SH3BGRL2: variants seen among roughly 807,000 people sequenced by gnomAD.
SH3BGRL2 encodes SH3 domain-binding glutamic acid-rich-like protein 2.
Under a neutral mutation model 14.8 loss-of-function variants are expected in SH3BGRL2, and 21 were observed. The observed-to-expected ratio is 1.42, with a 90% CI of 1.01 to 2.05. The LOEUF is 2.05. Among genes scored for constraint, SH3BGRL2 ranks in the 30% most tolerant of loss-of-function variants. The pLI, the probability that SH3BGRL2 is intolerant of heterozygous loss-of-function variation, is 0.00. For missense variants in SH3BGRL2, 147 were observed against 130.8 expected, an observed-to-expected ratio of 1.12 and a Z score of -0.61; for synonymous variants, 50 against 47.8, an observed-to-expected ratio of 1.05 and a Z score of -0.19.
intron 2 of SH3BGRL2, among the ~76,000 whole-genome samples, chr6:79,684,708 TCTA>T (rs1389591419): frequency 1.3e-5 from 2 of 152,200 alleles, no homozygotes; most frequent in Non-Finnish European, 2.9e-5. Flanking sequence ...TCTTATTGAA[TCTA>T]CTTTTAAAGT....
the SH3BGRL2 span, among the ~76,000 whole-genome samples, chr6:79,583,951 G>A: frequency 0.11 from 16,224 of 152,062 alleles, 978 homozygotes; most frequent in Non-Finnish European, 0.13. Flanking sequence ...AGGCCAAATC[G>A]GATCTAATTG....
the SH3BGRL2 span, among the ~76,000 whole-genome samples, chr6:79,584,688 A>C: frequency 6.6e-6 from 1 of 152,226 alleles, no homozygotes; most frequent in Non-Finnish European, 1.5e-5. Context: ...GATCACATCA[A>C]ATTATCCGGA....
the SH3BGRL2 span, among the ~76,000 whole-genome samples, chr6:79,544,494 A>G: frequency 1.3e-5 from 2 of 152,154 alleles, 1 homozygote; most frequent in East Asian, 3.9e-4. Flanking sequence ...CTCAAAATCA[A>G]CCACGGTGAA....
At chr6:79,693,224 C>G (rs931382643) in intron 2 of SH3BGRL2, among the ~76,000 whole-genome samples, 27 of 152,220 alleles carry the variant, frequency 1.8e-4, no homozygotes, top group African/African-American at 6.0e-4. Context: ...TGAGACTTTG[C>G]TGAAGTTGCT....
chr6:79,619,937 G>T, the SH3BGRL2 span, among the ~76,000 whole-genome samples: 1 of 152,304 alleles, frequency 6.6e-6, no homozygotes, highest in East Asian at 1.9e-4. Context: ...GGGAAGCAAA[G>T]AAAAATATTG....
At chr6:79,571,542 A>T in the SH3BGRL2 span, among the ~76,000 whole-genome samples, 1 of 152,290 alleles carries the variant, frequency 6.6e-6, no homozygotes, top group Non-Finnish European at 1.5e-5. Flanking sequence ...AAGGTGTACA[A>T]CATGATGATT....
chr6:79,590,469 C>A, the SH3BGRL2 span, among the ~76,000 whole-genome samples: 2 of 70,454 alleles, frequency 2.8e-5, no homozygotes, highest in African/African-American at 6.0e-5. Flanking sequence ...ATATATGCGC[C>A]ATGGAATACA....
the SH3BGRL2 span, among the ~76,000 whole-genome samples, chr6:79,610,696 A>G: frequency 3.3e-5 from 5 of 152,216 alleles, no homozygotes; most frequent in African/African-American, 1.2e-4. Flanking sequence ...ATTTAGGATC[A>G]AGTTTTACCT....
intron 1 of SH3BGRL2, among the ~76,000 whole-genome samples, chr6:79,644,088 A>G (rs916027435): frequency 6.6e-6 from 1 of 152,208 alleles, no homozygotes; most frequent in Non-Finnish European, 1.5e-5. Flanking sequence ...CAACAGATCC[A>G]TGGGGACAAA....
chr6:79,641,286 G>A (rs1401703753), intron 1 of SH3BGRL2, among the ~76,000 whole-genome samples: 1 of 151,886 alleles, frequency 6.6e-6, no homozygotes, highest in African/African-American at 2.4e-5. Context: ...AATGGGAATT[G>A]GCCACCTTTA....
At chr6:79,640,917 GT>G (rs1487982818) in intron 1 of SH3BGRL2, among the ~76,000 whole-genome samples, 6 of 152,132 alleles carry the variant, frequency 3.9e-5, no homozygotes, top group African/African-American at 1.4e-4. Flanking sequence ...TGATTGACAG[GT>G]CAGTTCAGTG....
chr6:79,645,796 A>G (rs1347608549), intron 1 of SH3BGRL2, among the ~76,000 whole-genome samples: 1 of 152,160 alleles, frequency 6.6e-6, no homozygotes, highest in African/African-American at 2.4e-5. Flanking sequence ...TTCTGTTGGC[A>G]TTTGAATATT....
At chr6:79,615,027 A>T in the SH3BGRL2 span, among the ~76,000 whole-genome samples, 1 of 146,944 alleles carries the variant, frequency 6.8e-6, no homozygotes, top group Admixed American at 6.9e-5. Context: ...GGCTCAGCTT[A>T]TAGGTTGCCT....
At chr6:79,626,269 AAAAAT>A in the SH3BGRL2 span, among the ~76,000 whole-genome samples, 1 of 152,164 alleles carries the variant, frequency 6.6e-6, no homozygotes, top group African/African-American at 2.4e-5. Flanking sequence ...GTAAATAAAT[AAAAAT>A]AAAATCAGGA....
the SH3BGRL2 span, among the ~76,000 whole-genome samples, chr6:79,588,844 G>A: frequency 1.3e-5 from 2 of 152,132 alleles, no homozygotes; most frequent in African/African-American, 4.8e-5. Context: ...AAGCAATTGG[G>A]TATTAATTCT....
chr6:79,604,473 A>G, the SH3BGRL2 span, among the ~76,000 whole-genome samples: 1 of 152,218 alleles, frequency 6.6e-6, no homozygotes, highest in Non-Finnish European at 1.5e-5. Flanking sequence ...TGTTCCAAAC[A>G]GTGCCTTGAC....
the SH3BGRL2 span, chr6:79,575,485 A>G: frequency 2.0e-5 from 3 of 152,162 alleles, no homozygotes; most frequent in African/African-American, 4.8e-5. Flanking sequence ...TTCTCATGTC[A>G]TATAATGATG....
At chr6:79,569,347 A>G in the SH3BGRL2 span, among the ~76,000 whole-genome samples, 5 of 152,152 alleles carry the variant, frequency 3.3e-5, no homozygotes, top group East Asian at 5.8e-4. Flanking sequence ...TAGATTGTAA[A>G]TGTTTCTTAT....
At chr6:79,580,513 G>A in the SH3BGRL2 span, among the ~76,000 whole-genome samples, 1 of 152,124 alleles carries the variant, frequency 6.6e-6, no homozygotes, top group East Asian at 1.9e-4. Flanking sequence ...CAACTACATA[G>A]AATCTGAACA....
Sources: gnomAD v4.1 joint callset for allele counts (sites outside exome capture counted in the v4.1 genomes callset) on GRCh38, gnomAD v4.1.1 for gene constraint, MANE v1.5 for transcripts, NCBI Gene and HGNC (gene_info 2026-07-23, HGNC 2026-07-21) for gene names.